SORCS3: variants seen among roughly 807,000 people sequenced by gnomAD.
SORCS3 encodes the protein sortilin related VPS10 domain containing receptor 3.
In SORCS3, 57 loss-of-function variants were observed where a neutral mutation model predicts 146.3. The ratio of observed to expected loss-of-function variants is 0.39; its 90% CI spans 0.31 to 0.49. The LOEUF (loss-of-function observed/expected upper bound fraction) is 0.49. SORCS3 is among the 20% of genes least tolerant of loss of function. The pLI is 0.92. For synonymous variants in SORCS3, 653 were observed against 618.5 expected (o/e 1.06, Z -0.83); for missense variants, 1,341 against 1,575.5 (o/e 0.85, Z 2.52).
intron 4 of SORCS3, among the ~76,000 whole-genome samples, chr10:105,021,018 A>G (rs2055194645): frequency 6.6e-6 from 1 of 152,196 alleles, no homozygotes; most frequent in Non-Finnish European, 1.5e-5. Flanking sequence ...AGGCATCCCC[A>G]TGCCCAAATG....
At chr10:105,205,921 T>TCTTA (rs2056599437) in intron 16 of SORCS3, among the ~76,000 whole-genome samples, 2 of 152,122 alleles carry the variant, frequency 1.3e-5, no homozygotes, top group South Asian at 4.1e-4. Context: ...GAGTCCTGAG[T>TCTTA]CTTAGTATGT....
intron 20 of SORCS3, among the ~76,000 whole-genome samples, chr10:105,226,177 TATG>T (rs781759665): frequency 6.6e-6 from 1 of 152,030 alleles, no homozygotes; most frequent in Non-Finnish European, 1.5e-5. Flanking sequence ...CCTGATTCAG[TATG>T]ATATTAACTA....
chr10:104,990,556 A>T (rs974853494), intron 4 of SORCS3, among the ~76,000 whole-genome samples: 8 of 151,910 alleles, frequency 5.3e-5, no homozygotes, highest in African/African-American at 1.7e-4. Flanking sequence ...TGACATTTCT[A>T]TGTTCCTAAT....
At chr10:104,733,106 C>T (rs2016726911) in intron 1 of SORCS3, among the ~76,000 whole-genome samples, 1 of 152,106 alleles carries the variant, frequency 6.6e-6, no homozygotes, top group Admixed American at 6.5e-5. Context: ...AAAATAATAA[C>T]CCGTGAACTT....
At chr10:105,047,827 G>A (rs1278298539) in intron 5 of SORCS3, among the ~76,000 whole-genome samples, 1 of 152,042 alleles carries the variant, frequency 6.6e-6, no homozygotes, top group Admixed American at 6.6e-5. Context: ...TTTTCAGAAA[G>A]GCCATGAGGG....
At chr10:105,011,096 G>A (rs544019925) in intron 4 of SORCS3, among the ~76,000 whole-genome samples, 22 of 152,204 alleles carry the variant, frequency 1.4e-4, no homozygotes, top group Admixed American at 1.0e-3. Flanking sequence ...ATGAAAAGCC[G>A]GACTGCTGTT....
intron 1 of SORCS3, among the ~76,000 whole-genome samples, chr10:104,668,450 C>T (rs1589452062): frequency 6.6e-6 from 1 of 152,112 alleles, no homozygotes; most frequent in Non-Finnish European, 1.5e-5. Flanking sequence ...CTGGTTTAGC[C>T]TCTTACTAGC....
chr10:104,901,444 C>T (rs1451854708), intron 2 of SORCS3, among the ~76,000 whole-genome samples: 1 of 152,172 alleles, frequency 6.6e-6, no homozygotes, highest in East Asian at 1.9e-4. Context: ...ACTCATTTAT[C>T]CCTTATTTAT....
chr10:105,063,208 T>C (rs1039263328), intron 5 of SORCS3, among the ~76,000 whole-genome samples: 5 of 152,230 alleles, frequency 3.3e-5, no homozygotes, highest in African/African-American at 9.6e-5. Flanking sequence ...GGCTGTATAA[T>C]GACTAAGAAT....
intron 16 of SORCS3, 124 bp downstream of exon 16, chr10:105,201,377 C>G: frequency 8.5e-7 from 1 of 1,178,750 alleles, no homozygotes; most frequent in Non-Finnish European, 1.2e-6. Context: ...TATCTGCTGG[C>G]CTGTGGGCCC....
At chr10:104,748,202 T>C (rs549021661) in intron 1 of SORCS3, among the ~76,000 whole-genome samples, 8 of 152,354 alleles carry the variant, frequency 5.3e-5, no homozygotes, top group African/African-American at 1.7e-4. Context: ...CTGGATGATA[T>C]ATTTTGATGG....
chr10:104,781,824 G>T (rs1243333894), intron 1 of SORCS3, among the ~76,000 whole-genome samples: 1 of 152,204 alleles, frequency 6.6e-6, no homozygotes, highest in Non-Finnish European at 1.5e-5. Context: ...CTGGCCTTTT[G>T]GTATCAGGGT....
intron 12 of SORCS3, among the ~76,000 whole-genome samples, 165 bp downstream of exon 12, chr10:105,164,544 G>A (rs1294835407): frequency 6.6e-6 from 1 of 152,192 alleles, no homozygotes; most frequent in East Asian, 1.9e-4. Flanking sequence ...GAGGGGTAAT[G>A]GGGTATAATG....
chr10:104,876,803 T>A (rs28436822), intron 2 of SORCS3, among the ~76,000 whole-genome samples: 1 of 149,230 alleles, frequency 6.7e-6, no homozygotes, highest in African/African-American at 2.5e-5. Context: ...CTTTCTCTCT[T>A]TCTCTTTCTC....
At chr10:105,090,957 A>G (rs2055697714) in intron 6 of SORCS3, among the ~76,000 whole-genome samples, 2 of 152,216 alleles carry the variant, frequency 1.3e-5, no homozygotes, top group South Asian at 4.1e-4. Context: ...CCGTAGATGC[A>G]TGCCAGAAAT....
At chr10:105,208,509 A>C (rs1271188890) in intron 16 of SORCS3, among the ~76,000 whole-genome samples, 1 of 151,840 alleles carries the variant, frequency 6.6e-6, no homozygotes, top group Non-Finnish European at 1.5e-5. Flanking sequence ...CCAACCTGAC[A>C]TGAGTGAACG....
intron 1 of SORCS3, among the ~76,000 whole-genome samples, chr10:104,740,918 T>G (rs1215418185): frequency 3.3e-5 from 5 of 152,020 alleles, no homozygotes. Context: ...CTTGGAAATC[T>G]CAGTTTTAAA....
At chr10:104,993,557 A>G (rs183759423) in intron 4 of SORCS3, among the ~76,000 whole-genome samples, 56 of 152,328 alleles carry the variant, frequency 3.7e-4, no homozygotes, top group South Asian at 1.2e-3. Context: ...GATCATGTCA[A>G]TATTGGGCAT....
intron 1 of SORCS3, among the ~76,000 whole-genome samples, chr10:104,677,579 G>A (rs185178726): frequency 1.3e-5 from 2 of 152,294 alleles, no homozygotes; most frequent in East Asian, 1.9e-4. Flanking sequence ...TGAGGTTTGG[G>A]CTGAGAAGTT....
Sources: allele counts gnomAD v4.1 joint callset (sites outside exome capture counted in the v4.1 genomes callset), GRCh38; gene constraint gnomAD v4.1.1; transcripts MANE v1.5; gene names NCBI Gene and HGNC (gene_info 2026-07-23, HGNC 2026-07-21).